Variants in ATP8B4 observed in about 807,000 individuals in gnomAD.
ATP8B4 encodes the protein ATPase phospholipid transporting 8B4 (putative), also known as probable phospholipid-transporting ATPase IM.
A neutral mutation model predicts 145.6 loss-of-function variants in ATP8B4; 133 were observed. That is an observed-to-expected ratio of 0.91 (90% CI 0.79 to 1.05). The LOEUF is 1.05. Among genes scored for constraint, ATP8B4 ranks in the 50% least tolerant of loss-of-function variants. The pLI, the probability that ATP8B4 is intolerant of heterozygous loss-of-function variation, is 0.00. For synonymous variants in ATP8B4, 507 were observed against 492.9 expected (o/e 1.03, Z -0.38); for missense variants, 1,458 against 1,425.2 (o/e 1.02, Z -0.37).
At chr15:50,129,586 C>T (rs921734715) in intron 1 of ATP8B4, among the ~76,000 whole-genome samples, 16 of 152,150 alleles carry the variant, frequency 1.1e-4, no homozygotes, top group African/African-American at 3.9e-4. Flanking sequence ...TGACCTCAAT[C>T]TTAACATCTG....
chr15:49,875,041 G>C (rs1428849956), intron 25 of ATP8B4, among the ~76,000 whole-genome samples: 2 of 152,072 alleles, frequency 1.3e-5, no homozygotes, highest in African/African-American at 4.8e-5. Flanking sequence ...TAAAGATTAA[G>C]TTAACCAAAA....
intron 14 of ATP8B4, among the ~76,000 whole-genome samples, chr15:49,949,584 T>G (rs570060786): frequency 1.3e-5 from 2 of 152,244 alleles, no homozygotes; most frequent in African/African-American, 2.4e-5. Context: ...ACGATGGGGT[T>G]TTCTAAATAT....
intron 17 of ATP8B4, 26 bp downstream of exon 17, chr15:49,923,353 G>A: frequency 1.3e-6 from 2 of 1,516,290 alleles, no homozygotes; most frequent in Non-Finnish European, 1.8e-6. Flanking sequence ...GGGCCATTGT[G>A]CTAACCTTAA....
At chr15:50,175,532 G>T (rs1409588819) in intron 1 of ATP8B4, among the ~76,000 whole-genome samples, 2 of 152,152 alleles carry the variant, frequency 1.3e-5, no homozygotes, top group South Asian at 2.1e-4. Flanking sequence ...CGACAAGGGG[G>T]CTAAGGACAT....
At position 49,920,293 on chromosome 15, in the gene ATP8B4, C is replaced by T. The variant is rs1416866126; in HGVS notation, c.1876G>A (p.Asp626Asn). 6.2e-7 allele frequency: 1 copy of T among 1,614,066 alleles called. No individual in the cohort carries two copies. Among genetic ancestry groups the T allele is most frequent in the African/African-American group, 1.3e-5 (1 of 74,908 alleles). ...EDANAATEERDERIAGLYEEI... is the reference protein window; with the variant it reads ...EDANAATEERNERIAGLYEEI... ...TCATATAGCCCAGCTATTCGTTCATCCCTCTCTTCTGTGGCAGCATTCGCA... is the reference window on the plus strand; with the variant it reads ...TCATATAGCCCAGCTATTCGTTCATTCCTCTCTTCTGTGGCAGCATTCGCA... Residue 626 changes from aspartate (D) to asparagine (N), a missense_variant, in exon 18 of 28, where the codon GAT (aspartate) becomes AAT (asparagine). Asp to Asn is a conservative substitution (Grantham distance 23). Transcript: ENST00000284509.
intron 1 of ATP8B4, among the ~76,000 whole-genome samples, chr15:50,112,671 A>G (rs2057004071): frequency 1.3e-5 from 2 of 151,968 alleles, no homozygotes; most frequent in Admixed American, 1.3e-4. Flanking sequence ...CTGAGACTCA[A>G]TCTCCACATC....
At chr15:49,981,120 T>C (rs1657369686) in intron 11 of ATP8B4, 86 bp downstream of exon 11, 2 of 1,161,512 alleles carry the variant, frequency 1.7e-6, no homozygotes, top group East Asian at 2.4e-5. Flanking sequence ...AAGGAGAATG[T>C]AGGCTTCTTA....
intron 23 of ATP8B4, chr15:49,879,694 T>C (rs2035079308): frequency 2.4e-6 from 1 of 415,728 alleles, no homozygotes; most frequent in Non-Finnish European, 4.3e-6. Context: ...CTTCCTGCAG[T>C]GTGGCAGTGA....
rs61736334 is a variant in ATP8B4, at chr15:49,876,282, A to G, written c.3023T>C (p.Val1008Ala). 2 of 1,613,914 alleles carry G rather than the reference A, an allele frequency of 1.2e-6. No individual in the cohort carries two copies. The highest frequency in any genetic ancestry group is 3.3e-5 in the Admixed American group (2 of 59,998). ...TGCTTACACCGACAGCGTTACCTGC[A>G]CACTGACCACAATGACCAAAGATGT... ...MATSLVIVVS[V>A]QIALDTSYWT... is the part of the protein sequence containing the mutation. The change falls in exon 25 of 28, where the codon GTG becomes GCG. Residue 1008 changes from valine (V) to alanine (A), a missense_variant. By Grantham distance (64) the Val-to-Ala change is moderately conservative. Coordinates refer to ENST00000284509, the MANE Select transcript of ATP8B4 (RefSeq NM_024837.4).
intron 2 of ATP8B4, among the ~76,000 whole-genome samples, chr15:50,078,229 G>A (rs2054311441): frequency 6.6e-6 from 1 of 150,656 alleles, no homozygotes; most frequent in African/African-American, 2.4e-5. Context: ...CACCCAGGCT[G>A]GTATGCAGTG....
intron 1 of ATP8B4, among the ~76,000 whole-genome samples, chr15:50,108,257 C>T (rs2056779602): frequency 6.6e-6 from 1 of 152,120 alleles, no homozygotes; most frequent in African/African-American, 2.4e-5. Flanking sequence ...GACATGCCTG[C>T]TGACCAGTGC....
chr15:50,058,071 G>A (rs1378232296), intron 3 of ATP8B4, among the ~76,000 whole-genome samples: 1 of 152,156 alleles, frequency 6.6e-6, no homozygotes, highest in Non-Finnish European at 1.5e-5. Context: ...ATACAAAAGA[G>A]CAAAAGAAAA....
chr15:50,156,095 TATATATATATAA>T (rs1482372734), intron 1 of ATP8B4, among the ~76,000 whole-genome samples: 20 of 23,020 alleles, frequency 8.7e-4, no homozygotes, highest in Admixed American at 1.6e-3. Context: ...TATATATAAA[TATATATATATAA>T]ATATATATAT....
At chr15:49,983,829 C>T (rs940820304) in intron 10 of ATP8B4, among the ~76,000 whole-genome samples, 1 of 152,232 alleles carries the variant, frequency 6.6e-6, no homozygotes, top group Non-Finnish European at 1.5e-5. Flanking sequence ...GCTCTCCATA[C>T]CCCATACTGG....
At chr15:50,148,700 C>G (rs28419389) in intron 1 of ATP8B4, among the ~76,000 whole-genome samples, 24,633 of 152,114 alleles carry the variant, frequency 0.16, 2,262 homozygotes, top group Non-Finnish European at 0.21. Flanking sequence ...GTCTAAGGTA[C>G]TCTGTAATAG....
At position 49,901,222 on chromosome 15, in the gene ATP8B4, A is replaced by G; in HGVS notation, c.2159T>C (p.Leu720Ser). The G allele has an allele frequency of 6.2e-7, 1 of 1,613,332 alleles. No individual in the cohort carries two copies. Among genetic ancestry groups the G allele is most frequent in the Non-Finnish European group, 8.5e-7 (1 of 1,179,572 alleles). Residue 720 changes from leucine (L) to serine (S), a missense_variant, in exon 21 of 28, where the codon TTG becomes TCG. Transcript: ENST00000284509. ...REELRKAKQN[L>S]FGQNRNFSNG... is the part of the protein sequence containing the mutation. ...GGAAAAATTTCTGTTTTGTCCAAAC[A>G]AATTTTGTTTTGCTTTCCTTAAAGG...
At chr15:49,938,692 A>G (rs1459003820) in intron 14 of ATP8B4, among the ~76,000 whole-genome samples, 1 of 152,174 alleles carries the variant, frequency 6.6e-6, no homozygotes, top group African/African-American at 2.4e-5. Flanking sequence ...AGCTTTAGAC[A>G]GATCATCAAG....
intron 1 of ATP8B4, among the ~76,000 whole-genome samples, chr15:50,181,662 C>T (rs1386283169): frequency 1.3e-5 from 2 of 152,186 alleles, no homozygotes; most frequent in African/African-American, 4.8e-5. Context: ...CTGGACGTGA[C>T]TGCCACAGGC....
At chr15:49,971,513 T>C (rs960728094) in intron 13 of ATP8B4, among the ~76,000 whole-genome samples, 2 of 152,024 alleles carry the variant, frequency 1.3e-5, no homozygotes, top group Admixed American at 1.3e-4. Context: ...AGCAAACATA[T>C]GAAAAAAAGC....
Sources: allele counts gnomAD v4.1 joint callset (sites outside exome capture counted in the v4.1 genomes callset), GRCh38; gene constraint gnomAD v4.1.1; transcripts MANE v1.5; gene names NCBI Gene and HGNC (gene_info 2026-07-23, HGNC 2026-07-21).